The following NNMT variants were observed in gnomAD, a reference collection of about 807,000 sequenced individuals.
NNMT encodes the protein nicotinamide N-methyltransferase.
Under a neutral mutation model 11.7 loss-of-function variants are expected in NNMT, and 10 were observed. The ratio of observed to expected loss-of-function variants is 0.85; its 90% confidence interval spans 0.53 to 1.45. The LOEUF (loss-of-function observed/expected upper bound fraction) is 1.45, where lower values mean the gene tolerates loss of function less well. Ranked by LOEUF, NNMT falls within the 40% of genes most tolerant of loss-of-function variation. NNMT has a pLI of 0.00. For synonymous variants in NNMT, 143 were observed against 133.8 expected, an observed-to-expected ratio of 1.07 and a Z score of -0.48; for missense variants, 381 against 319.4, an observed-to-expected ratio of 1.19 and a Z score of -1.47.
rs1246320906 is a variant in NNMT, at chr11:114,258,657, G to A, written c.-217+779G>A. On this transcript the variant is annotated intron_variant, in intron 1 of 4. Transcript: ENST00000535401. ...CCAAAAATGCAAATAGCATCATGTC[G>A]CTCCCTAGATGAGAGTCCCTGGTGA... is the stretch of plus-strand genomic sequence containing the variant. Among the ~76,000 whole-genome samples, 7 of 152,146 alleles carry A rather than the reference G, an allele frequency of 4.6e-5. 1 individual carries two copies. Among genetic ancestry groups the A allele is most frequent in the Non-Finnish European group, 4.4e-5 (3 of 68,026 alleles).
chr11:114,281,194 G>C (rs1489085659), intron 2 of NNMT, among the ~76,000 whole-genome samples: 1 of 152,136 alleles, frequency 6.6e-6, no homozygotes, highest in African/African-American at 2.4e-5. Context: ...CCACGAAGCT[G>C]GGGCAGTAGG....
intron 2 of NNMT, among the ~76,000 whole-genome samples, chr11:114,269,926 T>C (rs1419414956): frequency 6.6e-6 from 1 of 152,150 alleles, no homozygotes; most frequent in African/African-American, 2.4e-5. Context: ...TTAATTAAGG[T>C]CATAGATTTT....
chr11:114,285,155 A>C (rs1945289202), intron 2 of NNMT, among the ~76,000 whole-genome samples: 1 of 152,094 alleles, frequency 6.6e-6, no homozygotes, highest in South Asian at 2.1e-4. Context: ...CATCCTTCTC[A>C]AAGCTTTCTG....
At chr11:114,261,589 C>T (rs1442471985) in intron 1 of NNMT, among the ~76,000 whole-genome samples, 1 of 142,528 alleles carries the variant, frequency 7.0e-6, no homozygotes, top group African/African-American at 3.0e-5. Flanking sequence ...CATCTCAAAA[C>T]AAACAAACAA....
chr11:114,273,402 A>G (rs932441351), intron 2 of NNMT, among the ~76,000 whole-genome samples: 1 of 152,146 alleles, frequency 6.6e-6, no homozygotes, highest in Non-Finnish European at 1.5e-5. Context: ...AATGATATTG[A>G]TATTTTGTGT....
intron 2 of NNMT, among the ~76,000 whole-genome samples, chr11:114,272,297 G>A (rs1945175659): frequency 6.6e-6 from 1 of 152,152 alleles, no homozygotes; most frequent in South Asian, 2.1e-4. Flanking sequence ...TACTGTGGAA[G>A]GACTACAGTG....
In NNMT at chr11:114,260,187, G is replaced by A. The variant is rs545357255; in HGVS notation, c.-217+2309G>A. 3.3e-5 allele frequency among the ~76,000 whole-genome samples: 5 copies of A among 152,274 alleles called. No homozygotes were observed. In the East Asian group the frequency reaches 9.7e-4, roughly 29 times the overall value. ...GAGCGCTGGCCTCATTTTACAGATGGGTAAACTGAGGCTGTGGCTCCATAG... is the reference window on the plus strand; with the variant it reads ...GAGCGCTGGCCTCATTTTACAGATGAGTAAACTGAGGCTGTGGCTCCATAG... On this transcript the variant is annotated intron_variant, in intron 1 of 4. Coordinates refer to the NNMT transcript ENST00000535401.
At chr11:114,264,199 T>C (rs1010404054) in intron 2 of NNMT, among the ~76,000 whole-genome samples, 5 of 152,040 alleles carry the variant, frequency 3.3e-5, no homozygotes, top group African/African-American at 1.2e-4. Context: ...CCTCCCATTT[T>C]AGCAAACCTT....
intron 2 of NNMT, among the ~76,000 whole-genome samples, chr11:114,301,965 GTGTT>G (rs1192849896): frequency 6.6e-6 from 1 of 151,900 alleles, no homozygotes; most frequent in African/African-American, 2.4e-5. Flanking sequence ...AGAGAAATAA[GTGTT>G]TGTCATTTTT....
At chr11:114,260,078 A>G (rs754275132) in intron 1 of NNMT, among the ~76,000 whole-genome samples, 5 of 152,122 alleles carry the variant, frequency 3.3e-5, no homozygotes, top group Non-Finnish European at 5.9e-5. Context: ...TACAACACAC[A>G]ACAGCTCACC....
chr11:114,272,238 G>T (rs999858484), intron 2 of NNMT, among the ~76,000 whole-genome samples: 2 of 152,132 alleles, frequency 1.3e-5, no homozygotes, highest in Non-Finnish European at 2.9e-5. Context: ...AGCCCGCCTG[G>T]ACTACTTCAA....
intron 1 of NNMT, among the ~76,000 whole-genome samples, chr11:114,262,098 T>A (rs963672530): frequency 9.9e-5 from 15 of 152,162 alleles, no homozygotes; most frequent in Non-Finnish European, 1.5e-4. Context: ...CTTCCTGAGG[T>A]CCTGAACCTT....
At chr11:114,307,363 T>C (rs1042341019) in intron 2 of NNMT, among the ~76,000 whole-genome samples, 19 of 152,184 alleles carry the variant, frequency 1.2e-4, no homozygotes, top group South Asian at 6.2e-4. Context: ...TTTCCCTCTC[T>C]GTCATGTTCC....
At chr11:114,262,312 T>C (rs1346764418) in intron 1 of NNMT, among the ~76,000 whole-genome samples, 1 of 152,196 alleles carries the variant, frequency 6.6e-6, no homozygotes, top group African/African-American at 2.4e-5. Flanking sequence ...ACCTAGTTAC[T>C]AAGCCCAGCA....
At position 114,296,703 on chromosome 11, in the gene NNMT, C is replaced by G. The variant is rs750175034; in HGVS notation, c.147C>G (p.Phe49Leu). Residue 49 changes from phenylalanine to leucine, a missense_variant, in exon 1 of 3, where the codon TTC (phenylalanine) becomes TTG (leucine). Transcript: ENST00000299964. ...TTCTGAAAAATCTTTTCAAGATATT[C>G]TGCCTAGGTAAGTCTGTTGTCTGCA... ...KHLLKNLFKI[F>L]CLDGVKGDLL... is the part of the protein sequence containing the mutation. 6.2e-7 allele frequency: 1 copy of G among 1,614,152 alleles called. No homozygotes were observed. The highest frequency in any genetic ancestry group is 1.1e-5 in the South Asian group (1 of 91,076).
At chr11:114,285,748 A>C (rs1206741671) in intron 2 of NNMT, among the ~76,000 whole-genome samples, 1 of 152,210 alleles carries the variant, frequency 6.6e-6, no homozygotes, top group Non-Finnish European at 1.5e-5. Context: ...GAGGCTCAGT[A>C]GTTGCTTCTC....
chr11:114,283,378 C>T (rs1945275849), intron 2 of NNMT, among the ~76,000 whole-genome samples: 2 of 152,074 alleles, frequency 1.3e-5, no homozygotes, highest in African/African-American at 4.8e-5. Context: ...GGCTTTAATG[C>T]ATAGTGAAAA....
chr11:114,297,000 G>A (rs757404209), intron 1 of NNMT, among the ~76,000 whole-genome samples: 9 of 152,150 alleles, frequency 5.9e-5, no homozygotes, highest in Non-Finnish European at 1.3e-4. Context: ...GCCTCAAAGG[G>A]CCACTTAAGT....
intron 2 of NNMT, among the ~76,000 whole-genome samples, chr11:114,268,768 CAAAAAAAAAAAA>C (rs34012236): frequency 0.017 from 1,160 of 69,632 alleles, 22 homozygotes; most frequent in African/African-American, 0.055. Context: ...GACTCCGTCT[CAAAAAAAAAAAA>C]AAAAAAAAAA....
Sources: gnomAD v4.1 joint callset for allele counts (sites outside exome capture counted in the v4.1 genomes callset) on GRCh38, gnomAD v4.1.1 for gene constraint, MANE v1.5 for transcripts, NCBI Gene and HGNC (gene_info 2026-07-23, HGNC 2026-07-21) for gene names.